The following S100A4 variants were observed in gnomAD, a reference collection of about 807,000 sequenced individuals.
The protein encoded by S100A4 is protein S100-A4.
A neutral mutation model predicts 6.3 loss-of-function variants in S100A4; 4 were observed. That is an observed-to-expected ratio of 0.64 (90% CI 0.31 to 1.46). The LOEUF (loss-of-function observed/expected upper bound fraction) is 1.46, where lower values mean the gene tolerates loss of function less well. Ranked by LOEUF, S100A4 falls within the 40% of genes most tolerant of loss-of-function variation. The pLI is 0.07. For synonymous variants in S100A4, 44 were observed against 47.6 expected (o/e 0.92, Z 0.32); for missense variants, 108 against 120.8 (o/e 0.89, Z 0.50).
chr1:153,543,837 A>C lies in S100A4; in HGVS notation c.228T>G (p.Cys76Trp), dbSNP rs893436260. 6 of 1,614,106 alleles carry C rather than the reference A, an allele frequency of 3.7e-6. No individual in the cohort carries two copies. The highest frequency in any genetic ancestry group is 5.1e-6 in the Non-Finnish European group (6 of 1,180,042). The change falls in exon 3 of 3, where the codon TGT becomes TGG. Residue 76 changes from cysteine to tryptophan, a missense_variant. Transcript: ENST00000368716. ...RDNEVDFQEY[C>W]VFLSCIAMMC... ...TCATGGCGATGCAGGACAGGAAGAC[A>C]CAGTACTCTTGGAAGTCCACCTCGT...
At position 153,544,738 on chromosome 1, in the gene S100A4, G is replaced by A; in HGVS notation, c.57C>T (p.Tyr19=). 2.5e-6 allele frequency: 4 copies of A among 1,614,154 alleles called. No individual in the cohort carries two copies. Among genetic ancestry groups the A allele is most frequent in the Non-Finnish European group, 3.4e-6 (4 of 1,180,002 alleles). ...LDVMVSTFHK[Y]SGKEGDKFKL... is the part of the protein sequence containing the mutation. ...TGAACTTGTCACCCTCTTTGCCCGA[G>A]TACTTGTGGAAGGTGGACACCATCA... Residue 19 remains tyrosine (Y), a synonymous_variant, in exon 2 of 3, where the codon TAC becomes TAT. Coordinates refer to ENST00000368716, the MANE Select transcript of S100A4 (RefSeq NM_002961.3).
chr1:153,544,944 G>GT, intron 1 of S100A4, 135 bp from the exon 2 acceptor site: 1 of 1,075,892 alleles, frequency 9.3e-7, no homozygotes, highest in Non-Finnish European at 1.3e-6. Context: ...GCCCAGAGCA[G>GT]TGGGCCCCCG....
chr1:153,544,470 A>C (rs1382806979), intron 2 of S100A4, among the ~76,000 whole-genome samples, 184 bp downstream of exon 2: 3 of 152,178 alleles, frequency 2.0e-5, no homozygotes, highest in Non-Finnish European at 4.4e-5. Context: ...TGTCTGACCC[A>C]TTCATTCTCA....
At chr1:153,545,318 G>A (rs889768983) in intron 1 of S100A4, among the ~76,000 whole-genome samples, 2 of 152,208 alleles carry the variant, frequency 1.3e-5, no homozygotes, top group Non-Finnish European at 1.5e-5. Flanking sequence ...GCACCTTCTC[G>A]AGCTGGGCTG....
Position 153,543,713 on chromosome 1 carries a change from G to T in S100A4, c.*46C>A. 6.3e-7 allele frequency: 1 copy of T among 1,584,778 alleles called. No homozygotes were observed. Among genetic ancestry groups the T allele is most frequent in the South Asian group, 1.1e-5 (1 of 87,554 alleles). ...AAAAAAAAAGTGCCCACTGGCGACA[G>T]GGAGGGCCCCAGCTGGCAGACCCCC... On this transcript the variant is annotated 3_prime_UTR_variant, in exon 3 of 3. Transcript: ENST00000368716.
Position 153,544,735 on chromosome 1 carries a change from C to G in S100A4, c.60G>C (p.Ser20=), listed in dbSNP as rs79910171. Residue 20 remains serine (S), a synonymous_variant, in exon 2 of 3, where the codon TCG becomes TCC. Transcript: ENST00000368716. The part of the protein sequence containing the change: ...DVMVSTFHKY[S]GKEGDKFKLN... ...GCTTGAACTTGTCACCCTCTTTGCC[C>G]GAGTACTTGTGGAAGGTGGACACCA... 8.7e-6 allele frequency: 14 copies of G among 1,614,100 alleles called. No homozygotes were observed. Among genetic ancestry groups the G allele is most frequent in the East Asian group, 2.2e-5 (1 of 44,904 alleles).
chr1:153,543,834 GAC>G lies in S100A4; in HGVS notation c.229_230del (p.Val77LeufsTer10), dbSNP rs769794889. 1 of 1,614,234 alleles carries G rather than the reference GAC, an allele frequency of 6.2e-7. No individual in the cohort carries two copies. Among genetic ancestry groups the G allele is most frequent in the East Asian group, 2.2e-5 (1 of 44,892 alleles). On this transcript the variant is annotated frameshift_variant, in exon 3 of 3. Coordinates refer to ENST00000368716, the MANE Select transcript of S100A4 (RefSeq NM_002961.3). LOFTEE classifies it high-confidence loss of function. The stretch of plus-strand genomic sequence containing the variant: ...ACATCATGGCGATGCAGGACAGGAA[GAC>G]ACAGTACTCTTGGAAGTCCACCTCG... The part of the protein sequence containing the change: ...DNEVDFQEYC[V>X]FLSCIAMMCN...
At chr1:153,544,861 G>A in intron 1 of S100A4, 52 bp from the exon 2 acceptor site, 2 of 1,603,436 alleles carry the variant, frequency 1.2e-6, no homozygotes, top group Non-Finnish European at 1.7e-6. Flanking sequence ...CCTCAGAGAT[G>A]TGTTCAGAAT....
chr1:153,544,970 G>T (rs549320210), intron 1 of S100A4, 161 bp from the exon 2 acceptor site: 2 of 761,482 alleles, frequency 2.6e-6, no homozygotes, highest in Admixed American at 2.8e-5. Flanking sequence ...GGCTGGGAGG[G>T]TGTGCACAGT....
chr1:153,545,313 T>C (rs1427240558), intron 1 of S100A4, among the ~76,000 whole-genome samples: 1 of 152,216 alleles, frequency 6.6e-6, no homozygotes, highest in Non-Finnish European at 1.5e-5. Context: ...GCCATGCACC[T>C]TCTCGAGCTG....
At chr1:153,544,360 C>T (rs1175540830) in intron 2 of S100A4, among the ~76,000 whole-genome samples, 1 of 152,190 alleles carries the variant, frequency 6.6e-6, no homozygotes, top group Non-Finnish European at 1.5e-5. Flanking sequence ...CAGACAGTCC[C>T]GGTCCGGATG....
chr1:153,545,645 C>A, intron 1 of S100A4, 108 bp downstream of exon 1: 1 of 152,612 alleles, frequency 6.6e-6, no homozygotes, highest in Non-Finnish European at 1.5e-5. Context: ...ATCAGAATCT[C>A]ACATCTGGAT....
In S100A4 at chr1:153,545,042, C is replaced by T. The variant is rs927784231; in HGVS notation, c.-15-233G>A. Reference sequence around the variant, plus strand: ...ATCCGCTGCGCAAGCTCTGGAGATTCGGGCAGCAAACTCCCAGGGCCTCCC... The same window carrying T: ...ATCCGCTGCGCAAGCTCTGGAGATTTGGGCAGCAAACTCCCAGGGCCTCCC... On this transcript the variant is annotated intron_variant, in intron 1 of 2. Transcript: ENST00000368716. 4.3e-5 allele frequency: 21 copies of T among 486,170 alleles called. 1 individual carries two copies. The highest frequency in any genetic ancestry group is 3.6e-4 in the South Asian group (13 of 36,448). 30.1% of individuals were successfully genotyped at this position (486,170 alleles called of 1,614,324 possible).
Sources: allele counts gnomAD v4.1 joint callset (sites outside exome capture counted in the v4.1 genomes callset), GRCh38; gene constraint gnomAD v4.1.1; transcripts MANE v1.5; gene names NCBI Gene and HGNC (gene_info 2026-07-23, HGNC 2026-07-21).